Variants in FHOD3 observed in about 807,000 individuals in gnomAD.
The protein encoded by FHOD3 is FH1/FH2 domain-containing protein 3.
In FHOD3, 90 loss-of-function variants were observed where a neutral mutation model predicts 173.0. That is an observed-to-expected ratio of 0.52 (90% CI 0.44 to 0.62). FHOD3 has a LOEUF of 0.62. FHOD3 is among the 20% of genes least tolerant of loss of function. The probability of loss-of-function intolerance (pLI) is 0.00; values close to 1 mark genes in which losing one functional copy is unlikely to be tolerated. For missense variants in FHOD3, 1,945 were observed against 2,034.7 expected, an observed-to-expected ratio of 0.96 and a Z score of 0.85; for synonymous variants, 828 against 823.0, an observed-to-expected ratio of 1.01 and a Z score of -0.10.
intron 5 of FHOD3, among the ~76,000 whole-genome samples, chr18:36,561,959 GTGTATTGTAT>G (rs36233913): frequency 0.2 from 25,453 of 127,036 alleles, 2,399 homozygotes; most frequent in Non-Finnish European, 0.21. Flanking sequence ...CTACTACACT[GTGTATTGTAT>G]TGTATTGTAT....
At chr18:36,582,946 A>AT (rs2058907223) in intron 6 of FHOD3, among the ~76,000 whole-genome samples, 1 of 152,132 alleles carries the variant, frequency 6.6e-6, no homozygotes, top group South Asian at 2.1e-4. Context: ...AGGGCCTTGC[A>AT]TTTTTCCCCC....
chr18:36,392,674 T>C (rs1376601519), intron 3 of FHOD3, among the ~76,000 whole-genome samples: 1 of 152,228 alleles, frequency 6.6e-6, no homozygotes, highest in South Asian at 2.1e-4. Context: ...GCAGGGTATA[T>C]CTCCTGCTTC....
intron 4 of FHOD3, among the ~76,000 whole-genome samples, chr18:36,506,658 G>T (rs2055316957): frequency 6.6e-6 from 1 of 152,186 alleles, no homozygotes; most frequent in Admixed American, 6.5e-5. Flanking sequence ...CTGAATCAAG[G>T]TGATCTTATA....
intron 7 of FHOD3, among the ~76,000 whole-genome samples, chr18:36,595,703 G>A (rs2030235733): frequency 6.6e-6 from 1 of 152,212 alleles, no homozygotes; most frequent in Non-Finnish European, 1.5e-5. Flanking sequence ...CGAAGAACGA[G>A]CTTCTGCTCT....
chr18:36,574,755 C>T (rs1157365211), intron 5 of FHOD3, among the ~76,000 whole-genome samples: 1 of 151,762 alleles, frequency 6.6e-6, no homozygotes, highest in Non-Finnish European at 1.5e-5. Flanking sequence ...TTAAATAATC[C>T]ATGGGTTTAA....
At chr18:36,366,121 A>T (rs1317429988) in intron 2 of FHOD3, among the ~76,000 whole-genome samples, 2 of 152,212 alleles carry the variant, frequency 1.3e-5, no homozygotes, top group African/African-American at 4.8e-5. Flanking sequence ...ACATTAGTAT[A>T]GTCCCTTGAG....
At chr18:36,299,919 G>A (rs1033545063) in intron 1 of FHOD3, among the ~76,000 whole-genome samples, 5 of 152,136 alleles carry the variant, frequency 3.3e-5, no homozygotes, top group Non-Finnish European at 7.4e-5. Context: ...TATTGATGAG[G>A]GTTCTGTAAA....
chr18:36,335,982 GT>G (rs1246973463), intron 1 of FHOD3, among the ~76,000 whole-genome samples: 1 of 152,182 alleles, frequency 6.6e-6, no homozygotes, highest in African/African-American at 2.4e-5. Context: ...CAGCATGAAC[GT>G]TGTGGCAACC....
intron 10 of FHOD3, among the ~76,000 whole-genome samples, chr18:36,642,027 G>A (rs912507663): frequency 9.2e-5 from 14 of 151,798 alleles, no homozygotes; most frequent in African/African-American, 3.4e-4. Flanking sequence ...TTTAGTAAAC[G>A]AATGCAGGAA....
chr18:36,374,273 CATCTT>C (rs1272876210), intron 3 of FHOD3, among the ~76,000 whole-genome samples: 1 of 152,184 alleles, frequency 6.6e-6, no homozygotes, highest in Non-Finnish European at 1.5e-5. Context: ...AGATGTGTGA[CATCTT>C]ATCCTGTGGC....
chr18:36,388,659 C>T (rs1014317092), intron 3 of FHOD3, among the ~76,000 whole-genome samples: 1 of 152,146 alleles, frequency 6.6e-6, no homozygotes, highest in Admixed American at 6.5e-5. Context: ...AGTCCCTTCC[C>T]CTCCCAAGAG....
chr18:36,778,629 T>G (rs1449703897), intron 28 of FHOD3: 1 of 152,104 alleles, frequency 6.6e-6, no homozygotes, highest in African/African-American at 2.4e-5. Flanking sequence ...TCTAAGTCAG[T>G]TAAATATGAG....
chr18:36,339,990 T>G (rs112707877), intron 1 of FHOD3, among the ~76,000 whole-genome samples: 1 of 152,196 alleles, frequency 6.6e-6, no homozygotes, highest in African/African-American at 2.4e-5. Context: ...AATGAAATAA[T>G]GCACCCCTTC....
chr18:36,568,905 T>G (rs2058364620), intron 5 of FHOD3, among the ~76,000 whole-genome samples: 1 of 152,140 alleles, frequency 6.6e-6, no homozygotes, highest in Non-Finnish European at 1.5e-5. Context: ...AGATACTTGA[T>G]TTTTCAGTTT....
chr18:36,538,918 A>G (rs1215502191), intron 5 of FHOD3, among the ~76,000 whole-genome samples: 6 of 152,358 alleles, frequency 3.9e-5, no homozygotes, highest in Non-Finnish European at 8.8e-5. Context: ...ACATTTTACC[A>G]AAGTGAAATG....
intron 3 of FHOD3, among the ~76,000 whole-genome samples, chr18:36,421,802 C>T (rs1245307068): frequency 6.6e-6 from 1 of 152,138 alleles, no homozygotes; most frequent in African/African-American, 2.4e-5. Context: ...ATGCTGGTTC[C>T]TGGGTGGCAG....
intron 8 of FHOD3, among the ~76,000 whole-genome samples, chr18:36,611,131 T>G (rs982492823): frequency 1.3e-5 from 2 of 152,352 alleles, no homozygotes; most frequent in African/African-American, 4.8e-5. Flanking sequence ...CTAAATTTCA[T>G]AGACCACGGG....
At chr18:36,704,949 T>A (rs2039790709) in intron 17 of FHOD3, among the ~76,000 whole-genome samples, 1 of 152,168 alleles carries the variant, frequency 6.6e-6, no homozygotes, top group Non-Finnish European at 1.5e-5. Context: ...ATTTTCTTTT[T>A]CTCTTGAGCT....
chr18:36,328,636 A>C (rs2044806763), intron 1 of FHOD3, among the ~76,000 whole-genome samples: 1 of 152,166 alleles, frequency 6.6e-6, no homozygotes, highest in African/African-American at 2.4e-5. Flanking sequence ...TAGGGTGATT[A>C]GGGGTGGCTT....
Sources: gnomAD v4.1 joint callset for allele counts (sites outside exome capture counted in the v4.1 genomes callset) on GRCh38, gnomAD v4.1.1 for gene constraint, MANE v1.5 for transcripts, NCBI Gene and HGNC (gene_info 2026-07-23, HGNC 2026-07-21) for gene names.